The following CHP1 variants were observed in gnomAD, a reference collection of about 807,000 sequenced individuals.
CHP1 encodes calcineurin B homologous protein 1.
A neutral mutation model predicts 27.4 loss-of-function variants in CHP1; 11 were observed. That is an observed-to-expected ratio of 0.40 (90% confidence interval 0.25 to 0.67). The LOEUF (loss-of-function observed/expected upper bound fraction) is 0.67. CHP1 is among the 30% of genes least tolerant of loss of function. CHP1 has a pLI of 0.38. For missense variants in CHP1, 169 were observed against 251.3 expected (o/e 0.67, Z 2.22); for synonymous variants, 89 against 87.4 (o/e 1.02, Z -0.10).
chr15:41,251,080 CCT>C (rs2047364383), intron 2 of CHP1, among the ~76,000 whole-genome samples: 2 of 152,096 alleles, frequency 1.3e-5, no homozygotes, highest in South Asian at 2.1e-4. Context: ...GACCCACCCA[CCT>C]CAGCCTCCCA....
At chr15:41,255,214 T>A (rs2047392705) in intron 2 of CHP1, among the ~76,000 whole-genome samples, 1 of 152,230 alleles carries the variant, frequency 6.6e-6, no homozygotes, top group African/African-American at 2.4e-5. Context: ...TGTTGGGTTT[T>A]GTTGTGTGTC....
At chr15:41,274,204 C>A (rs2047507306) in intron 5 of CHP1, among the ~76,000 whole-genome samples, 2 of 151,994 alleles carry the variant, frequency 1.3e-5, no homozygotes, top group South Asian at 4.1e-4. Flanking sequence ...TGTGATCAGC[C>A]CACCTTGGCC....
Position 41,236,079 on chromosome 15 carries a change from CTT to C in CHP1, c.67+4646_67+4647del, listed in dbSNP as rs11292013. ...CATTGTGGGAAAGAGACCCTAAGAA[CTT>C]TTTTTTTTTTTTTTTGAGACAGGGT... On this transcript the variant is annotated intron_variant, in intron 1 of 6. Transcript: ENST00000334660. Among the ~76,000 whole-genome samples, 479 of 138,346 alleles carry C rather than the reference CTT, an allele frequency of 3.5e-3. 1 individual carries two copies. The highest frequency in any genetic ancestry group is 8.3e-3 in the African/African-American group (302 of 36,568). The allele number at this position is 138,346 out of a possible 152,430, so 90.8% of individuals were successfully genotyped here.
intron 5 of CHP1, among the ~76,000 whole-genome samples, chr15:41,271,254 CAAAAAAAA>C (rs143070752): frequency 1.3e-5 from 1 of 75,714 alleles, no homozygotes; most frequent in Non-Finnish European, 2.5e-5. Context: ...GATTCCGTCT[CAAAAAAAA>C]AAAAAAAAAA....
At position 41,249,462 on chromosome 15, in the gene CHP1, CTTTTTTTTTTTT is replaced by C. The variant is rs1163537727; in HGVS notation, c.140+5740_140+5751del. Among the ~76,000 whole-genome samples the C allele has an allele frequency of 1.0e-4, 8 of 78,532 alleles. No homozygotes were observed. The East Asian group carries it at 2.1e-3, about 21-fold the overall frequency. 51.5% of individuals were successfully genotyped at this position (78,532 alleles called of 152,430 possible). Reference sequence around the variant, plus strand: ...TGCCACCATGCCTGGCCTTCACCTTCTTTTTTTTTTTTTTTTTTTTTTTTTTTTGAGATGGAG... The same window carrying C: ...TGCCACCATGCCTGGCCTTCACCTTCTTTTTTTTTTTTTTTTGAGATGGAG... On this transcript the variant is annotated intron_variant, in intron 2 of 6. Transcript: ENST00000334660.
At chr15:41,267,157 C>T (rs1567010487) in intron 4 of CHP1, among the ~76,000 whole-genome samples, 2 of 151,834 alleles carry the variant, frequency 1.3e-5, no homozygotes, top group East Asian at 1.9e-4. Context: ...GAAAGTAGAA[C>T]GGTGGTTGCC....
intron 4 of CHP1, among the ~76,000 whole-genome samples, chr15:41,266,594 C>T (rs907044445): frequency 3.9e-5 from 6 of 152,088 alleles, no homozygotes; most frequent in Non-Finnish European, 5.9e-5. Flanking sequence ...GAAGAAATAG[C>T]AGCATTATTC....
At position 41,231,563 on chromosome 15, in the gene CHP1, C is replaced by T. The variant is rs750825817; in HGVS notation, c.67+114C>T. 1.6e-4 allele frequency: 155 copies of T among 986,638 alleles called. 1 individual carries two copies. The Middle Eastern group carries it at 4.6e-3, about 29-fold the overall frequency. 61.1% of individuals were successfully genotyped at this position (986,638 alleles called of 1,614,324 possible). A position where few individuals can be genotyped will look rare whatever the true frequency, so the allele number is the denominator to read the frequency against. ...GCCTGTGAGGTTGGGGGGTCCTGGG[C>T]AGCCTCCAGGTTTGGGGACCGAGAG... On this transcript the variant is annotated intron_variant, in intron 1 of 6. Coordinates refer to ENST00000334660, the MANE Select transcript of CHP1 (RefSeq NM_007236.5).
chr15:41,275,201 A>G (rs2047513779), intron 5 of CHP1, among the ~76,000 whole-genome samples: 1 of 151,952 alleles, frequency 6.6e-6, no homozygotes, highest in African/African-American at 2.4e-5. Context: ...CTTGTCGCCC[A>G]GGCTGGAATG....
chr15:41,244,639 A>G (rs2047324404), intron 2 of CHP1, among the ~76,000 whole-genome samples: 1 of 152,184 alleles, frequency 6.6e-6, no homozygotes, highest in South Asian at 2.1e-4. Context: ...AACATCCTAC[A>G]GTGCACAGGA....
intron 2 of CHP1, among the ~76,000 whole-genome samples, chr15:41,255,931 C>T (rs558575284): frequency 2.1e-4 from 32 of 152,220 alleles, no homozygotes; most frequent in African/African-American, 7.2e-4. Context: ...GCAGGAGAAT[C>T]GCTTGAACCT....
In CHP1 at chr15:41,246,694, C is replaced by G. The variant is rs543013992; in HGVS notation, c.140+2955C>G. ...GTAGCCCATGGTCTCGATATCCTGA[C>G]CTCGTGATGCACCTGCCTGGCTAAC... On this transcript the variant is annotated intron_variant, in intron 2 of 6. Coordinates refer to ENST00000334660, the MANE Select transcript of CHP1 (RefSeq NM_007236.5). Among the ~76,000 whole-genome samples, 3 of 139,656 alleles carry G rather than the reference C, an allele frequency of 2.1e-5. No homozygotes were observed. In the South Asian group the frequency reaches 7.0e-4, roughly 33 times the overall value. 91.6% of individuals were successfully genotyped at this position (139,656 alleles called of 152,430 possible).
chr15:41,271,683 T>G (rs1272906657), intron 5 of CHP1, among the ~76,000 whole-genome samples: 1 of 152,152 alleles, frequency 6.6e-6, no homozygotes, highest in East Asian at 1.9e-4. Flanking sequence ...ATTCCCTGTT[T>G]TCCTACTAGC....
intron 1 of CHP1, among the ~76,000 whole-genome samples, chr15:41,239,307 G>A (rs577963882): frequency 3.6e-5 from 5 of 139,162 alleles, no homozygotes; most frequent in South Asian, 2.3e-4. Flanking sequence ...AACCCAGTTC[G>A]TCCTGGAAGA....
chr15:41,251,805 T>C (rs901366608), intron 2 of CHP1, among the ~76,000 whole-genome samples: 8 of 128,642 alleles, frequency 6.2e-5, no homozygotes, highest in Non-Finnish European at 1.3e-4. Context: ...GCCAGCTGCC[T>C]TTTTTTTTTT....
At chr15:41,232,504 C>G (rs1307196352) in intron 1 of CHP1, among the ~76,000 whole-genome samples, 1 of 150,630 alleles carries the variant, frequency 6.6e-6, no homozygotes, top group Non-Finnish European at 1.5e-5. Flanking sequence ...AGCCACCGTG[C>G]CCTGCAGAAC....
intron 5 of CHP1, chr15:41,272,468 C>G (rs1477012707): frequency 6.6e-6 from 1 of 152,066 alleles, no homozygotes; most frequent in African/African-American, 2.4e-5. Flanking sequence ...GTCGCCTGGG[C>G]TGGAGTGAAT....
At chr15:41,258,597 T>C (rs1676040203) in intron 3 of CHP1, among the ~76,000 whole-genome samples, 1 of 152,208 alleles carries the variant, frequency 6.6e-6, no homozygotes, top group Non-Finnish European at 1.5e-5. Flanking sequence ...AGTAGATTGT[T>C]CTTAATGTGG....
chr15:41,279,517 C>T lies in CHP1; in HGVS notation c.*128C>T. On this transcript the variant is annotated 3_prime_UTR_variant, in exon 7 of 7. Transcript: ENST00000334660. ...AGTACTACTGCTGTTGCATGACAACCCCAAATATGTTCTGTCAACACAAAC... is the reference window on the plus strand; with the variant it reads ...AGTACTACTGCTGTTGCATGACAACTCCAAATATGTTCTGTCAACACAAAC... 1 of 735,436 alleles carries T rather than the reference C, an allele frequency of 1.4e-6. No homozygotes were observed. Among genetic ancestry groups the T allele is most frequent in the South Asian group, 1.7e-5 (1 of 59,584 alleles). The allele number at this position is 735,436 out of a possible 1,614,324, so 45.6% of individuals were successfully genotyped here. A position where few individuals can be genotyped will look rare whatever the true frequency, so the allele number is the denominator to read the frequency against.
Sources: allele counts gnomAD v4.1 joint callset (sites outside exome capture counted in the v4.1 genomes callset), GRCh38; gene constraint gnomAD v4.1.1; transcripts MANE v1.5; gene names NCBI Gene and HGNC (gene_info 2026-07-23, HGNC 2026-07-21).